Variants in LEPROT observed in about 807,000 individuals in gnomAD.
LEPROT encodes leptin receptor gene-related protein.
LEPROT carries 3 observed loss-of-function variants against 15.4 expected under a neutral mutation model. That is an observed-to-expected ratio of 0.19 (90% CI 0.09 to 0.50). The LOEUF (loss-of-function observed/expected upper bound fraction) is 0.50. Among genes scored for constraint, LEPROT ranks in the 20% least tolerant of loss-of-function variants. The pLI is 0.97. For missense variants in LEPROT, 137 were observed against 162.2 expected (o/e 0.84, Z 0.84); for synonymous variants, 59 against 57.5 (o/e 1.03, Z -0.12).
At chr1:65,426,027 G>A (rs1646355605) in intron 2 of LEPROT, among the ~76,000 whole-genome samples, 1 of 152,160 alleles carries the variant, frequency 6.6e-6, no homozygotes, top group African/African-American at 2.4e-5. Context: ...GAGACGGACA[G>A]TAAACAACAA....
In LEPROT at chr1:65,435,681, CAA is replaced by C; in HGVS notation, c.*3764_*3765del. 2.0e-6 allele frequency: 2 copies of C among 985,324 alleles called. No homozygotes were observed. Among genetic ancestry groups the C allele is most frequent in the Non-Finnish European group, 2.4e-6 (2 of 829,896 alleles). The allele number at this position is 985,324 out of a possible 1,614,324, so 61.0% of individuals were successfully genotyped here. A position where few individuals can be genotyped will look rare whatever the true frequency, so the allele number is the denominator to read the frequency against. ...TGTGCCCAGCCAAAATGTGCCTTTG[CAA>C]AGTTTGCGAAATCAGATTTTGTATC... is the stretch of plus-strand genomic sequence containing the variant. On this transcript the variant is annotated 3_prime_UTR_variant, in exon 4 of 4. Transcript: ENST00000371065.
At position 65,434,056 on chromosome 1, in the gene LEPROT, A is replaced by C. The variant is rs189785466; in HGVS notation, c.*2137A>C. 3.6e-4 allele frequency: 352 copies of C among 985,378 alleles called. 1 individual carries two copies. The highest frequency in any genetic ancestry group is 1.5e-3 in the Admixed American group (24 of 16,296). The allele number at this position is 985,378 out of a possible 1,614,324, so 61.0% of individuals were successfully genotyped here. A position where few individuals can be genotyped will look rare whatever the true frequency, so the allele number is the denominator to read the frequency against. ...TTTTTGTTGCTTATACACATTTTCAATAACCAAGGTAGCCTTCATATGTAG... is the reference window on the plus strand; with the variant it reads ...TTTTTGTTGCTTATACACATTTTCACTAACCAAGGTAGCCTTCATATGTAG... On this transcript the variant is annotated 3_prime_UTR_variant, in exon 4 of 4. Transcript: ENST00000371065.
intron 1 of LEPROT, among the ~76,000 whole-genome samples, chr1:65,424,324 G>C (rs1201816034): frequency 6.6e-6 from 1 of 152,046 alleles, no homozygotes; most frequent in Non-Finnish European, 1.5e-5. Context: ...AATGATCAAA[G>C]GTATATATTA....
intron 1 of LEPROT, among the ~76,000 whole-genome samples, chr1:65,423,642 C>T (rs1367988558): frequency 6.6e-6 from 1 of 152,114 alleles, no homozygotes; most frequent in Non-Finnish European, 1.5e-5. Context: ...TTAAAATTGA[C>T]AGTGTTTCTT....
Position 65,429,849 on chromosome 1 carries a change from G to T in LEPROT, c.93-13G>T. 1 of 1,439,252 alleles carries T rather than the reference G, an allele frequency of 6.9e-7. No homozygotes were observed. The highest frequency in any genetic ancestry group is 2.5e-5 in the East Asian group (1 of 39,706). 89.2% of individuals were successfully genotyped at this position (1,439,252 alleles called of 1,614,324 possible). On this transcript the variant is annotated splice_polypyrimidine_tract_variant and intron_variant, in intron 2 of 3. Transcript: ENST00000371065. ...ACTTTTCTTTTTGGATTTTGCCTGG[G>T]TCCAACTGACAGCGTTTACTGGCCC...
At position 65,434,674 on chromosome 1, in the gene LEPROT, G is replaced by T. The variant is rs55889533; in HGVS notation, c.*2755G>T. 357,556 of 985,010 alleles carry T rather than the reference G, an allele frequency of 0.36. 68,936 individuals carry two copies. Among genetic ancestry groups the T allele is most frequent in the Non-Finnish European group, 0.39 (325,482 of 829,764 alleles). 61.0% of individuals were successfully genotyped at this position (985,010 alleles called of 1,614,324 possible). Reference sequence around the variant, plus strand: ...TTTCCACCCCTTTTCCTAAGAACAAGGTCTTTCTCCTTTTAATTTTTCCAC... The same window carrying T: ...TTTCCACCCCTTTTCCTAAGAACAATGTCTTTCTCCTTTTAATTTTTCCAC... On this transcript the variant is annotated 3_prime_UTR_variant, in exon 4 of 4. Coordinates refer to ENST00000371065, the MANE Select transcript of LEPROT (RefSeq NM_017526.5).
At position 65,433,530 on chromosome 1, in the gene LEPROT, A is replaced by G. The variant is rs1646516937; in HGVS notation, c.*1611A>G. The G allele has an allele frequency of 3.0e-6, 3 of 985,412 alleles. No homozygotes were observed. In the African/African-American group the frequency reaches 5.2e-5, roughly 17 times the overall value. 61.0% of individuals were successfully genotyped at this position (985,412 alleles called of 1,614,324 possible). A position where few individuals can be genotyped will look rare whatever the true frequency, so the allele number is the denominator to read the frequency against. On this transcript the variant is annotated 3_prime_UTR_variant, in exon 4 of 4. Coordinates refer to ENST00000371065, the MANE Select transcript of LEPROT (RefSeq NM_017526.5). ...AAACTGAAATACATTCAAAACACTTAATCCTTGAGGCTTGTGATCTGAGTA... is the reference window on the plus strand; with the variant it reads ...AAACTGAAATACATTCAAAACACTTGATCCTTGAGGCTTGTGATCTGAGTA...
At position 65,432,301 on chromosome 1, in the gene LEPROT, G is replaced by A. The variant is rs756470534; in HGVS notation, c.*382G>A. 452 of 992,986 alleles carry A rather than the reference G, an allele frequency of 4.6e-4. No individual in the cohort carries two copies. The highest frequency in any genetic ancestry group is 5.0e-4 in the Non-Finnish European group (417 of 834,918). 61.5% of individuals were successfully genotyped at this position (992,986 alleles called of 1,614,324 possible). A position where few individuals can be genotyped will look rare whatever the true frequency, so the allele number is the denominator to read the frequency against. Reference sequence around the variant, plus strand: ...CCTCTCATGACCCAGGAAGGCCGGGGTGGATCCCTCTTTGTGTTGTAGTCC... The same window carrying A: ...CCTCTCATGACCCAGGAAGGCCGGGATGGATCCCTCTTTGTGTTGTAGTCC... On this transcript the variant is annotated 3_prime_UTR_variant, in exon 4 of 4. Coordinates refer to ENST00000371065, the MANE Select transcript of LEPROT (RefSeq NM_017526.5).
chr1:65,427,874 C>G (rs1414948894), intron 2 of LEPROT: 1 of 251,540 alleles, frequency 4.0e-6, no homozygotes, highest in Non-Finnish European at 8.3e-6. Flanking sequence ...CTCCTGGCCT[C>G]AAGTCATCCT....
In LEPROT at chr1:65,433,848, A is replaced by G; in HGVS notation, c.*1929A>G. 1 of 985,294 alleles carries G rather than the reference A, an allele frequency of 1.0e-6. No homozygotes were observed. Among genetic ancestry groups the G allele is most frequent in the Non-Finnish European group, 1.2e-6 (1 of 829,824 alleles). The allele number at this position is 985,294 out of a possible 1,614,324, so 61.0% of individuals were successfully genotyped here. On this transcript the variant is annotated 3_prime_UTR_variant, in exon 4 of 4. Coordinates refer to ENST00000371065, the MANE Select transcript of LEPROT (RefSeq NM_017526.5). ...TTTTTGTGATGTTGCCTTGCCTGAA[A>G]AGATAACAAAAATGAGAGAATTTCT...
intron 2 of LEPROT, 55 bp from the exon 3 acceptor site, chr1:65,429,807 T>C (rs1646451307): frequency 1.5e-6 from 2 of 1,333,926 alleles, no homozygotes; most frequent in South Asian, 4.4e-5. Flanking sequence ...ATGTCTTTCA[T>C]TTAAAATGTA....
intron 2 of LEPROT, among the ~76,000 whole-genome samples, chr1:65,428,393 T>C (rs773393679): frequency 6.6e-6 from 1 of 152,208 alleles, no homozygotes; most frequent in Non-Finnish European, 1.5e-5. Flanking sequence ...TTCCCCTCTC[T>C]GTGTCTCCTT....
intron 1 of LEPROT, among the ~76,000 whole-genome samples, chr1:65,424,065 G>A (rs1346137513): frequency 6.6e-6 from 1 of 152,196 alleles, no homozygotes; most frequent in Non-Finnish European, 1.5e-5. Context: ...CATAAGACCA[G>A]ATGGTGGCAG....
chr1:65,426,820 A>C (rs185653524), intron 2 of LEPROT, among the ~76,000 whole-genome samples: 3 of 152,170 alleles, frequency 2.0e-5, no homozygotes, highest in Non-Finnish European at 4.4e-5. Context: ...AACATGGTGA[A>C]ACCCCATCTC....
At chr1:65,425,078 A>G (rs923175512) in intron 1 of LEPROT, among the ~76,000 whole-genome samples, 3 of 152,186 alleles carry the variant, frequency 2.0e-5, no homozygotes, top group Non-Finnish European at 4.4e-5. Context: ...TTATTGATAA[A>G]TGATTCACAT....
intron 1 of LEPROT, among the ~76,000 whole-genome samples, chr1:65,423,849 T>C (rs1366300024): frequency 6.6e-6 from 1 of 152,252 alleles, no homozygotes; most frequent in Non-Finnish European, 1.5e-5. Flanking sequence ...GATAGTCTCC[T>C]ATGCTTTTGA....
intron 2 of LEPROT, among the ~76,000 whole-genome samples, chr1:65,427,406 C>T (rs907237528): frequency 7.9e-5 from 12 of 152,024 alleles, no homozygotes; most frequent in African/African-American, 2.7e-4. Context: ...AGACCCCATT[C>T]TACAAAAAAC....
rs1646529639 is a variant in LEPROT at position 65,434,377 on chromosome 1, G to A, written c.*2458G>A. 20 of 985,176 alleles carry A rather than the reference G, an allele frequency of 2.0e-5. No homozygotes were observed. In the South Asian group the frequency reaches 7.0e-4, roughly 35 times the overall value. The allele number at this position is 985,176 out of a possible 1,614,324, so 61.0% of individuals were successfully genotyped here. On this transcript the variant is annotated 3_prime_UTR_variant, in exon 4 of 4. Coordinates refer to ENST00000371065, the MANE Select transcript of LEPROT (RefSeq NM_017526.5). ...GATTCAGAGCATAGTGACTATAGTC[G>A]AAAACTGAGATTGCACTTCCAAAAT...
chr1:65,427,782 A>G, intron 2 of LEPROT: 1 of 411,626 alleles, frequency 2.4e-6, no homozygotes. Flanking sequence ...TGTTTTTTAG[A>G]GATGCCACAA....
Sources: gnomAD v4.1 joint callset for allele counts (sites outside exome capture counted in the v4.1 genomes callset) on GRCh38, gnomAD v4.1.1 for gene constraint, MANE v1.5 for transcripts, NCBI Gene and HGNC (gene_info 2026-07-23, HGNC 2026-07-21) for gene names.